KBTBD12: variants seen among roughly 807,000 people sequenced by gnomAD.
KBTBD12 encodes kelch repeat and BTB domain-containing protein 12.
KBTBD12 carries 53 observed loss-of-function variants against 58.7 expected under a neutral mutation model. The observed-to-expected ratio is 0.90, with a 90% CI of 0.72 to 1.14. The LOEUF is 1.14. Ranked by LOEUF, KBTBD12 falls within the 50% of genes most tolerant of loss-of-function variation. The pLI, the probability that KBTBD12 is intolerant of heterozygous loss-of-function variation, is 0.00. For synonymous variants in KBTBD12, 236 were observed against 259.8 expected, an observed-to-expected ratio of 0.91 and a Z score of 0.88; for missense variants, 704 against 751.3, an observed-to-expected ratio of 0.94 and a Z score of 0.74.
At chr3:127,976,240 T>C (rs1270681528) in intron 5 of KBTBD12, among the ~76,000 whole-genome samples, 2 of 152,238 alleles carry the variant, frequency 1.3e-5, no homozygotes, top group African/African-American at 4.8e-5. Flanking sequence ...CTACTCTTAG[T>C]CTTCTAATTT....
chr3:127,957,525 A>G (rs2107607019), intron 4 of KBTBD12, among the ~76,000 whole-genome samples: 2 of 152,330 alleles, frequency 1.3e-5, no homozygotes. Flanking sequence ...ATCTGAGATT[A>G]GATTCCTATA....
At chr3:127,983,639 G>A (rs1287042940) in intron 5 of KBTBD12, among the ~76,000 whole-genome samples, 3 of 152,098 alleles carry the variant, frequency 2.0e-5, no homozygotes, top group Non-Finnish European at 4.4e-5. Flanking sequence ...TGTAATCCCA[G>A]CTACTCAGGA....
chr3:127,955,715 G>A (rs993307068), intron 4 of KBTBD12, among the ~76,000 whole-genome samples: 2 of 152,198 alleles, frequency 1.3e-5, no homozygotes, highest in South Asian at 4.2e-4. Context: ...TCTGAGGAAA[G>A]TGGAAAGGTA....
chr3:127,965,012 C>T (rs1940535654), intron 5 of KBTBD12, among the ~76,000 whole-genome samples: 1 of 152,180 alleles, frequency 6.6e-6, no homozygotes. Context: ...AGCCCTGGTG[C>T]TGTGCCCACT....
At position 127,984,357 on chromosome 3, in the gene KBTBD12, T is replaced by C; in HGVS notation, c.*79T>C. On this transcript the variant is annotated 3_prime_UTR_variant, in exon 6 of 6. Coordinates refer to ENST00000405109, the MANE Select transcript of KBTBD12 (RefSeq NM_207335.4). Reference sequence around the variant, plus strand: ...GAGAGGGCCCACAGCATCTCTGTCATGCCAGTCATGTGCACTGCATGCGTA... The same window carrying C: ...GAGAGGGCCCACAGCATCTCTGTCACGCCAGTCATGTGCACTGCATGCGTA... 1 of 1,317,472 alleles carries C rather than the reference T, an allele frequency of 7.6e-7. No individual in the cohort carries two copies. The highest frequency in any genetic ancestry group is 1.1e-6 in the Non-Finnish European group (1 of 937,548). 81.6% of individuals were successfully genotyped at this position (1,317,472 alleles called of 1,614,324 possible).
chr3:127,981,586 T>A (rs1940872243), intron 5 of KBTBD12, among the ~76,000 whole-genome samples: 1 of 152,190 alleles, frequency 6.6e-6, no homozygotes, highest in African/African-American at 2.4e-5. Flanking sequence ...TCCTGCCAGT[T>A]TTCCTCAAAA....
chr3:127,942,350 T>G (rs1425337021), intron 4 of KBTBD12, among the ~76,000 whole-genome samples: 2 of 152,168 alleles, frequency 1.3e-5, no homozygotes, highest in Non-Finnish European at 2.9e-5. Context: ...GTATTAACTG[T>G]AGTCATCATG....
intron 4 of KBTBD12, among the ~76,000 whole-genome samples, chr3:127,951,608 G>A (rs569586408): frequency 3.3e-5 from 5 of 152,208 alleles, no homozygotes; most frequent in African/African-American, 7.2e-5. Context: ...GTCATGGCTC[G>A]GGAACAATTA....
intron 4 of KBTBD12, among the ~76,000 whole-genome samples, chr3:127,959,518 G>T (rs1349857477): frequency 6.6e-6 from 1 of 152,190 alleles, no homozygotes; most frequent in African/African-American, 2.4e-5. Context: ...TAATTAAATT[G>T]AGAGTAATCA....
chr3:127,960,199 G>A (rs974915317), intron 4 of KBTBD12, among the ~76,000 whole-genome samples: 2 of 152,140 alleles, frequency 1.3e-5, no homozygotes, highest in African/African-American at 4.8e-5. Flanking sequence ...GGCTTTGTGT[G>A]GGAGGAGAGG....
chr3:127,943,513 G>A (rs575736604), intron 4 of KBTBD12, among the ~76,000 whole-genome samples: 2 of 151,868 alleles, frequency 1.3e-5, no homozygotes, highest in African/African-American at 2.4e-5. Flanking sequence ...ATCTATTCAG[G>A]TCCCTTGCCC....
chr3:127,926,267 T>A (rs148676081), intron 2 of KBTBD12, among the ~76,000 whole-genome samples: 132 of 152,328 alleles, frequency 8.7e-4, no homozygotes, highest in African/African-American at 3.1e-3. Context: ...CTAACCTTTA[T>A]GGGATGTACT....
At chr3:127,930,101 T>A (rs1391482919) in intron 3 of KBTBD12, 32 bp from the exon 4 acceptor site, 1 of 1,545,684 alleles carries the variant, frequency 6.5e-7, no homozygotes, top group Admixed American at 2.0e-5. Context: ...CTAAATGATA[T>A]GTTATTATAT....
At chr3:127,970,434 G>C (rs972017614) in intron 5 of KBTBD12, among the ~76,000 whole-genome samples, 2 of 152,146 alleles carry the variant, frequency 1.3e-5, no homozygotes, top group Non-Finnish European at 2.9e-5. Flanking sequence ...ATATATCCAA[G>C]AGAATTGAAA....
intron 1 of KBTBD12, among the ~76,000 whole-genome samples, chr3:127,918,776 A>G (rs1939323602): frequency 6.6e-6 from 1 of 152,160 alleles, no homozygotes. Flanking sequence ...TTAGAACTGT[A>G]GTAGTTTGGT....
At chr3:127,965,027 C>T (rs1008191492) in intron 5 of KBTBD12, among the ~76,000 whole-genome samples, 1 of 152,156 alleles carries the variant, frequency 6.6e-6, no homozygotes, top group Non-Finnish European at 1.5e-5. Context: ...CCCACTCATG[C>T]GGCAGGGCTG....
intron 4 of KBTBD12, among the ~76,000 whole-genome samples, chr3:127,942,654 A>G (rs1241299105): frequency 2.0e-5 from 3 of 148,084 alleles, no homozygotes; most frequent in Admixed American, 6.8e-5. Context: ...AACTATATAT[A>G]TAACTACATA....
chr3:127,938,424 G>A (rs2195915), intron 4 of KBTBD12, among the ~76,000 whole-genome samples: 23,018 of 151,926 alleles, frequency 0.15, 1,962 homozygotes, highest in South Asian at 0.32. Flanking sequence ...TTACCACTAA[G>A]AGAATACAGA....
At chr3:127,919,605 C>T (rs938973291) in intron 1 of KBTBD12, among the ~76,000 whole-genome samples, 7 of 152,180 alleles carry the variant, frequency 4.6e-5, no homozygotes, top group Non-Finnish European at 7.3e-5. Flanking sequence ...CTCATACAGG[C>T]GGATGCCAGC....
Sources: allele counts gnomAD v4.1 joint callset (sites outside exome capture counted in the v4.1 genomes callset), GRCh38; gene constraint gnomAD v4.1.1; transcripts MANE v1.5; gene names NCBI Gene and HGNC (gene_info 2026-07-23, HGNC 2026-07-21).